GNAQ: variants seen among roughly 807,000 people sequenced by gnomAD.
GNAQ encodes guanine nucleotide-binding protein G(q) subunit alpha.
Under a neutral mutation model 43.9 loss-of-function variants are expected in GNAQ, and 8 were observed. That is an observed-to-expected ratio of 0.18 (90% CI 0.11 to 0.33). The LOEUF (loss-of-function observed/expected upper bound fraction) is 0.33. Ranked by LOEUF, GNAQ falls within the 10% of genes least tolerant of loss-of-function variation. The probability of loss-of-function intolerance (pLI) is 1.00; values close to 1 mark genes in which losing one functional copy is unlikely to be tolerated. For synonymous variants in GNAQ, 155 were observed against 170.7 expected (o/e 0.91, Z 0.71); for missense variants, 158 against 450.8 (o/e 0.35, Z 5.88).
At chr9:77,818,397 T>G (rs1031416235) in intron 2 of GNAQ, among the ~76,000 whole-genome samples, 4 of 151,818 alleles carry the variant, frequency 2.6e-5, no homozygotes, top group Non-Finnish European at 5.9e-5. Flanking sequence ...ATTTTTAAAA[T>G]TGTGCATATA....
intron 1 of GNAQ, among the ~76,000 whole-genome samples, chr9:78,005,247 G>A (rs543469590): frequency 3.3e-4 from 50 of 152,250 alleles, no homozygotes; most frequent in African/African-American, 1.0e-3. Flanking sequence ...TGTTCTTCAT[G>A]TTGCCCAGGC....
At chr9:77,975,755 G>T (rs533630311) in intron 1 of GNAQ, among the ~76,000 whole-genome samples, 1 of 147,644 alleles carries the variant, frequency 6.8e-6, no homozygotes, top group African/African-American at 2.4e-5. Context: ...GGCCAGGATG[G>T]TTGATCTCTT....
intron 1 of GNAQ, among the ~76,000 whole-genome samples, chr9:77,939,941 A>G (rs1829290969): frequency 6.6e-6 from 1 of 152,190 alleles, no homozygotes; most frequent in Admixed American, 6.5e-5. Context: ...GTACTCGCTG[A>G]TGTCCTGACA....
chr9:77,735,797 G>A (rs1011094994), intron 5 of GNAQ, among the ~76,000 whole-genome samples: 8 of 152,184 alleles, frequency 5.3e-5, no homozygotes, highest in Non-Finnish European at 7.4e-5. Flanking sequence ...GCCCAGTGGT[G>A]ACAGGCCAGG....
At chr9:77,810,244 ATCT>A (rs1301271540) in intron 3 of GNAQ, among the ~76,000 whole-genome samples, 4 of 151,152 alleles carry the variant, frequency 2.6e-5, no homozygotes, top group Admixed American at 2.6e-4. Flanking sequence ...CTATCTATCT[ATCT>A]ATCTATCTAT....
chr9:78,013,641 A>T (rs1229360186), intron 1 of GNAQ, among the ~76,000 whole-genome samples: 1 of 152,230 alleles, frequency 6.6e-6, no homozygotes, highest in East Asian at 1.9e-4. Flanking sequence ...ACGAAGACTT[A>T]GAGAACCATT....
intron 2 of GNAQ, among the ~76,000 whole-genome samples, chr9:77,832,619 T>C (rs1827318001): frequency 6.6e-6 from 1 of 152,230 alleles, no homozygotes; most frequent in Non-Finnish European, 1.5e-5. Context: ...GTAAGTATCA[T>C]CTGTCCCCCT....
In GNAQ at chr9:77,987,905, A is replaced by G. The variant is rs7046390; in HGVS notation, c.136+43195T>C. Among the ~76,000 whole-genome samples, 1,318 of 152,236 alleles carry G rather than the reference A, an allele frequency of 8.7e-3. 17 individuals are homozygous for G. Among genetic ancestry groups the G allele is most frequent in the African/African-American group, 0.03 (1,244 of 41,522 alleles). On this transcript the variant is annotated intron_variant, in intron 1 of 6. Coordinates refer to ENST00000286548, the MANE Select transcript of GNAQ (RefSeq NM_002072.5). Reference sequence around the variant, plus strand: ...ACTAAAAACACCTAGGAAGAAAAGAAGAAGAAAGAAGTTAGAGTATCCCAT... The same window carrying G: ...ACTAAAAACACCTAGGAAGAAAAGAGGAAGAAAGAAGTTAGAGTATCCCAT...
chr9:77,742,857 G>T (rs1392026615), intron 5 of GNAQ, among the ~76,000 whole-genome samples: 2 of 152,172 alleles, frequency 1.3e-5, no homozygotes, highest in Admixed American at 1.3e-4. Context: ...ATGAATACAT[G>T]GACAAATGCC....
At position 78,016,604 on chromosome 9, in the gene GNAQ, C is replaced by G. The variant is rs1823841349; in HGVS notation, c.136+14496G>C. Among the ~76,000 whole-genome samples, 4 of 151,996 alleles carry G rather than the reference C, an allele frequency of 2.6e-5. 1 individual carries two copies. In the South Asian group the frequency reaches 8.3e-4, roughly 31 times the overall value. ...GGCTGAGGCAGGAGAACTGATTGAA[C>G]CCGGGAGGCGGAGGTTGCAGTGAGC... On this transcript the variant is annotated intron_variant, in intron 1 of 6. Transcript: ENST00000286548.
chr9:77,976,771 A>T (rs1415549565), intron 1 of GNAQ, among the ~76,000 whole-genome samples: 1 of 152,242 alleles, frequency 6.6e-6, no homozygotes, highest in Admixed American at 6.5e-5. Context: ...GATTTCACAT[A>T]AAAAGCAGAT....
chr9:77,840,615 G>A (rs1292387763), intron 2 of GNAQ, among the ~76,000 whole-genome samples: 1 of 152,110 alleles, frequency 6.6e-6, no homozygotes, highest in East Asian at 1.9e-4. Context: ...GGGATTACAG[G>A]AGTGAGCCAC....
chr9:77,839,975 T>G (rs1421882347), intron 2 of GNAQ, among the ~76,000 whole-genome samples: 1 of 152,224 alleles, frequency 6.6e-6, no homozygotes, highest in Admixed American at 6.5e-5. Flanking sequence ...ACTGTTTTAT[T>G]TTCTTCACAG....
chr9:77,991,665 T>A (rs1161131937), intron 1 of GNAQ, among the ~76,000 whole-genome samples: 1 of 152,122 alleles, frequency 6.6e-6, no homozygotes, highest in African/African-American at 2.4e-5. Flanking sequence ...GGTGCACCCA[T>A]CACCCAAGCA....
At chr9:77,986,819 T>C (rs1823444362) in intron 1 of GNAQ, among the ~76,000 whole-genome samples, 1 of 151,652 alleles carries the variant, frequency 6.6e-6, no homozygotes, top group Non-Finnish European at 1.5e-5. Flanking sequence ...TTTTTTTTTT[T>C]TTTTTTAACC....
Position 77,720,841 on chromosome 9 carries a change from C to T in GNAQ, c.*482G>A, listed in dbSNP as rs1340331292. The T allele has an allele frequency of 1.3e-5, 3 of 233,652 alleles. No individual in the cohort carries two copies. Among genetic ancestry groups the T allele is most frequent in the African/African-American group, 2.2e-5 (1 of 45,284 alleles). 14.5% of individuals were successfully genotyped at this position (233,652 alleles called of 1,614,324 possible). ...TAAGCTGATGATGGCTTAAATCGAA[C>T]GATGTGTCCTGACTGTATCATTTGA... is the stretch of plus-strand genomic sequence containing the variant. On this transcript the variant is annotated 3_prime_UTR_variant, in exon 7 of 7. Transcript: ENST00000286548.
At chr9:77,741,417 TC>T (rs562334460) in intron 5 of GNAQ, among the ~76,000 whole-genome samples, 99 of 152,232 alleles carry the variant, frequency 6.5e-4, no homozygotes, top group Non-Finnish European at 1.1e-3. Context: ...CCCCGATAAA[TC>T]TGTCATTATA....
intron 1 of GNAQ, among the ~76,000 whole-genome samples, chr9:77,957,776 G>C (rs1823060777): frequency 6.6e-6 from 1 of 152,200 alleles, no homozygotes; most frequent in Non-Finnish European, 1.5e-5. Context: ...GCTGGAGGGA[G>C]GGAACTGTGG....
At chr9:77,819,967 C>G (rs1351015016) in intron 2 of GNAQ, among the ~76,000 whole-genome samples, 1 of 151,510 alleles carries the variant, frequency 6.6e-6, no homozygotes, top group Non-Finnish European at 1.5e-5. Flanking sequence ...AATTACCTCC[C>G]TCTCATAATC....
Sources: gnomAD v4.1 joint callset for allele counts (sites outside exome capture counted in the v4.1 genomes callset) on GRCh38, gnomAD v4.1.1 for gene constraint, MANE v1.5 for transcripts, NCBI Gene and HGNC (gene_info 2026-07-23, HGNC 2026-07-21) for gene names.